Variants in EZR observed in about 807,000 individuals in gnomAD.
The protein encoded by EZR is ezrin.
Under a neutral mutation model 74.8 loss-of-function variants are expected in EZR, and 40 were observed. That is an observed-to-expected ratio of 0.53 (90% CI 0.42 to 0.70). The LOEUF (loss-of-function observed/expected upper bound fraction) is 0.70, where lower values mean the gene tolerates loss of function less well. EZR is among the 30% of genes least tolerant of loss of function. The pLI is 0.00. For synonymous variants in EZR, 341 were observed against 283.3 expected (o/e 1.20, Z -2.05); for missense variants, 678 against 755.8 (o/e 0.90, Z 1.21).
intron 2 of EZR, among the ~76,000 whole-genome samples, chr6:158,791,706 A>ATTTTTTTTT (rs57581855): frequency 0.049 from 4,729 of 96,054 alleles, 548 homozygotes; most frequent in Non-Finnish European, 0.068. Context: ...TTCAGACTCC[A>ATTTTTTTTT]TTTTTTTTTT....
chr6:158,816,963 T>C (rs1777570195), intron 2 of EZR, among the ~76,000 whole-genome samples: 1 of 152,132 alleles, frequency 6.6e-6, no homozygotes, highest in Non-Finnish European at 1.5e-5. Context: ...CACATGCCTG[T>C]AATCCCAACT....
intron 3 of EZR, among the ~76,000 whole-genome samples, chr6:158,788,148 A>ATG (rs1791632714): frequency 1.3e-5 from 2 of 152,258 alleles, no homozygotes; most frequent in Non-Finnish European, 2.9e-5. Context: ...AGAGGGTTGA[A>ATG]TACATTAGAA....
intron 6 of EZR, among the ~76,000 whole-genome samples, chr6:158,784,443 T>G (rs3127217): frequency 1.3e-5 from 2 of 151,920 alleles, no homozygotes; most frequent in Non-Finnish European, 2.9e-5. Flanking sequence ...TGAGCTAAAC[T>G]GCTTCTTTCC....
chr6:158,816,035 C>A (rs897964693), intron 2 of EZR, among the ~76,000 whole-genome samples: 27 of 152,160 alleles, frequency 1.8e-4, no homozygotes, highest in African/African-American at 6.3e-4. Context: ...CATGGATGAA[C>A]CTTGAAGACA....
chr6:158,794,805 T>C (rs1395498850), intron 2 of EZR, among the ~76,000 whole-genome samples: 1 of 152,234 alleles, frequency 6.6e-6, no homozygotes, highest in Non-Finnish European at 1.5e-5. Context: ...TTAAAAGTTA[T>C]GCTTAGCTTG....
At position 158,785,626 on chromosome 6, in the gene EZR, G is replaced by A. The variant is rs375477732; in HGVS notation, c.193-43C>T. On this transcript the variant is annotated intron_variant, in intron 4 of 13. Coordinates refer to ENST00000367075, the MANE Select transcript of EZR (RefSeq NM_001111077.2). ...CACTCTCCACACAAATCCGGAAGACGAAGGCCCACTGTCCCCAACACAGGC... is the reference window on the plus strand; with the variant it reads ...CACTCTCCACACAAATCCGGAAGACAAAGGCCCACTGTCCCCAACACAGGC... The A allele has an allele frequency of 1.0e-5, 16 of 1,602,754 alleles. No individual in the cohort carries two copies. In the East Asian group the frequency reaches 1.6e-4, roughly 16 times the overall value.
At chr6:158,769,623 G>A (rs565209115) in intron 11 of EZR, among the ~76,000 whole-genome samples, 161 bp downstream of exon 11, 3 of 152,180 alleles carry the variant, frequency 2.0e-5, no homozygotes, top group South Asian at 4.1e-4. Context: ...GGGTGACCCT[G>A]GCAACAGCCC....
intron 12 of EZR, among the ~76,000 whole-genome samples, chr6:158,767,756 T>A (rs920994622): frequency 1.3e-5 from 2 of 152,140 alleles, no homozygotes; most frequent in African/African-American, 2.4e-5. Context: ...TTTCTTTTTT[T>A]ACCTGTAACT....
intron 7 of EZR, 123 bp from the exon 8 acceptor site, chr6:158,776,627 C>T: frequency 1.4e-6 from 1 of 701,712 alleles, no homozygotes; most frequent in Non-Finnish European, 2.4e-6. Context: ...ACCCAAGAGG[C>T]ACAATGTGTT....
At chr6:158,800,284 G>GC (rs1777161920) in intron 2 of EZR, among the ~76,000 whole-genome samples, 1 of 152,052 alleles carries the variant, frequency 6.6e-6, no homozygotes, top group South Asian at 2.1e-4. Flanking sequence ...AGTATACTTG[G>GC]CAAAGACATC....
At chr6:158,797,872 A>C (rs908493815) in intron 2 of EZR, among the ~76,000 whole-genome samples, 3 of 152,228 alleles carry the variant, frequency 2.0e-5, no homozygotes, top group Non-Finnish European at 4.4e-5. Context: ...AAAATGTATA[A>C]TTCAGTGGTT....
chr6:158,811,981 A>AG (rs1421636908), intron 2 of EZR, among the ~76,000 whole-genome samples: 1 of 152,198 alleles, frequency 6.6e-6, no homozygotes, highest in Non-Finnish European at 1.5e-5. Context: ...TTTATAGGGA[A>AG]GGTCTAGCCT....
chr6:158,772,806 CAG>C (rs1244635980), intron 8 of EZR, among the ~76,000 whole-genome samples: 2 of 152,198 alleles, frequency 1.3e-5, no homozygotes, highest in Non-Finnish European at 2.9e-5. Flanking sequence ...AACAAAAAAA[CAG>C]TGCGATATAT....
At chr6:158,773,910 G>A (rs1172819976) in intron 8 of EZR, among the ~76,000 whole-genome samples, 10 of 152,194 alleles carry the variant, frequency 6.6e-5, no homozygotes, top group African/African-American at 1.4e-4. Flanking sequence ...TGGGCAGGCC[G>A]TGTCAGCTGT....
intron 8 of EZR, among the ~76,000 whole-genome samples, chr6:158,772,575 T>A (rs921523454): frequency 2.0e-5 from 3 of 152,210 alleles, no homozygotes; most frequent in Non-Finnish European, 2.9e-5. Flanking sequence ...AATCACAGCC[T>A]TCGGGAAACT....
intron 7 of EZR, 64 bp downstream of exon 7, chr6:158,783,456 A>C (rs1791484097): frequency 3.3e-6 from 5 of 1,496,068 alleles, no homozygotes; most frequent in Non-Finnish European, 4.5e-6. Flanking sequence ...CAAATTTGCC[A>C]TTTTGCCATT....
intron 2 of EZR, among the ~76,000 whole-genome samples, chr6:158,802,037 T>C (rs1354997735): frequency 6.6e-6 from 1 of 152,244 alleles, no homozygotes; most frequent in Admixed American, 6.5e-5. Context: ...CTTAGTTGCC[T>C]GTAGGCAGTG....
In EZR at chr6:158,818,518, G is replaced by A. The variant is rs868487069; in HGVS notation, c.-73-352C>T. 1.8e-3 allele frequency among the ~76,000 whole-genome samples: 276 copies of A among 150,912 alleles called. 1 individual carries two copies. The highest frequency in any genetic ancestry group is 6.3e-3 in the African/African-American group (261 of 41,172). On this transcript the variant is annotated intron_variant, in intron 1 of 13. Transcript: ENST00000367075. The stretch of plus-strand genomic sequence containing the variant: ...GGGGGCGCAGGCCCGGGAGAGAGAG[G>A]GCAGGGGGAACACTCAGTGGGGAGG...
rs1009964826 is a variant in EZR at position 158,766,437 on chromosome 6, T to C, written c.*477A>G. On this transcript the variant is annotated 3_prime_UTR_variant, in exon 14 of 14. Transcript: ENST00000367075. ...TGTGCGAGAGTGCTTCAGACTCAAT[T>C]TCCAAAATAATTTTCACCCCTCTAA... 6.5e-6 allele frequency: 1 copy of C among 154,048 alleles called. No homozygotes were observed. The highest frequency in any genetic ancestry group is 1.4e-5 in the Non-Finnish European group (1 of 69,248). 9.5% of individuals were successfully genotyped at this position (154,048 alleles called of 1,614,324 possible).
Sources: allele counts gnomAD v4.1 joint callset (sites outside exome capture counted in the v4.1 genomes callset), GRCh38; gene constraint gnomAD v4.1.1; transcripts MANE v1.5; gene names NCBI Gene and HGNC (gene_info 2026-07-23, HGNC 2026-07-21).